PCDH1: variants seen among roughly 807,000 people sequenced by gnomAD.
The protein encoded by PCDH1 is protocadherin-1.
In PCDH1, 23 loss-of-function variants were observed where a neutral mutation model predicts 74.6. The ratio of observed to expected loss-of-function variants is 0.31; its 90% CI spans 0.22 to 0.44. PCDH1 has a LOEUF of 0.44. Among genes scored for constraint, PCDH1 ranks in the 20% least tolerant of loss-of-function variants. PCDH1 has a pLI of 1.00. For synonymous variants in PCDH1, 647 were observed against 686.1 expected (o/e 0.94, Z 0.89); for missense variants, 1,214 against 1,641.4 (o/e 0.74, Z 4.50).
rs577566122 is a variant in PCDH1, at chr5:141,874,283, C to T, written c.40+3940G>A. Among the ~76,000 whole-genome samples, 8 of 152,362 alleles carry T rather than the reference C, an allele frequency of 5.3e-5. No individual in the cohort carries two copies. The South Asian group carries it at 1.5e-3, about 28-fold the overall frequency. The stretch of plus-strand genomic sequence containing the variant: ...GAGCAGCAATAAGGAGGCCTTCCCT[C>T]ACCCGTGTTCCCACCATCTCTGAAC... On this transcript the variant is annotated intron_variant, in intron 1 of 4. Transcript: ENST00000287008.
Position 141,865,501 on chromosome 5 carries a change from T to G in PCDH1, c.904-74A>C. On this transcript the variant is annotated intron_variant, in intron 2 of 4. Transcript: ENST00000287008. The surrounding 1 kb of genome is among the most constrained non-coding windows in gnomAD (Gnocchi z 4.4). ...GGGATAGCAAATAAAGGGGCACACA[T>G]GCTGCCAATGTCCTTTCCAACAAGC... 1 of 1,485,976 alleles carries G rather than the reference T, an allele frequency of 6.7e-7. No individual in the cohort carries two copies. Among genetic ancestry groups the G allele is most frequent in the South Asian group, 1.2e-5 (1 of 80,658 alleles). The allele number at this position is 1,485,976 out of a possible 1,614,324, so 92.0% of individuals were successfully genotyped here.
At position 141,863,826 on chromosome 5, in the gene PCDH1, A is replaced by G. The variant is rs781755901; in HGVS notation, c.2505T>C (p.Asp835=). ...LLGHSLDTPL[D]IDIAGDPEYE... ...ATTCTGGATCCCCAGCAATGTCAAT[A>G]TCCAGCGGCGTGTCCAGGCTGTGGC... Residue 835 remains aspartate (D), a synonymous_variant, in exon 3 of 5, where the codon GAT becomes GAC. Coordinates refer to ENST00000287008, the MANE Select transcript of PCDH1 (RefSeq NM_032420.5). The surrounding 1 kb of genome is among the most constrained non-coding windows in gnomAD (Gnocchi z 7.5). 12 of 1,614,066 alleles carry G rather than the reference A, an allele frequency of 7.4e-6. No homozygotes were observed. The Admixed American group carries it at 1.0e-4, about 13-fold the overall frequency.
intron 1 of PCDH1, among the ~76,000 whole-genome samples, chr5:141,873,942 T>C (rs1011700333): frequency 3.3e-5 from 5 of 152,180 alleles, no homozygotes; most frequent in African/African-American, 1.2e-4. Context: ...AAATGGGGGC[T>C]GAGAAAGAAT....
rs762529547 is a variant in PCDH1, at chr5:141,864,107, C to T, written c.2224G>A (p.Glu742Lys). ...GCATTGACACCAGAGTCAAAGTCCT[C>T]GGCTGCCACCTGGCTGACCGTCTCA... ...LGETVSQVAA[E>K]DFDSGVNAEL... is the part of the protein sequence containing the mutation. Residue 742 changes from glutamate to lysine, a missense_variant, in exon 3 of 5, where the codon GAG becomes AAG. Glu to Lys is a moderately conservative substitution (Grantham distance 56, BLOSUM62 1). This residue lies in a region of PCDH1 where 836 missense variants were observed against 1,182.2 expected (regional missense o/e 0.71). Transcript: ENST00000287008. The surrounding 1 kb of genome is among the most constrained non-coding windows in gnomAD (Gnocchi z 5.9). 8.7e-6 allele frequency: 14 copies of T among 1,610,246 alleles called. No individual in the cohort carries two copies. In the South Asian group the frequency reaches 1.2e-4, roughly 14 times the overall value.
At position 141,869,241 on chromosome 5, in the gene PCDH1, G is replaced by T. The variant is rs113157473; in HGVS notation, c.231C>A (p.Leu77=). Residue 77 remains leucine, a synonymous_variant, in exon 2 of 5, where the codon CTC becomes CTA. Coordinates refer to ENST00000287008, the MANE Select transcript of PCDH1 (RefSeq NM_032420.5). This position sits in a 1 kb window ranked among gnomAD's most constrained non-coding sequence, Gnocchi z 4.9. Reference sequence around the variant, plus strand: ...CATCTGGAAAACCATAGTCGGCTGCGAGGCTCCCAATGAGGGTGTTGGGTG... The same window carrying T: ...CATCTGGAAAACCATAGTCGGCTGCTAGGCTCCCAATGAGGGTGTTGGGTG... ...EQPPNTLIGS[L]AADYGFPDVG... The T allele has an allele frequency of 5.6e-6, 9 of 1,613,378 alleles. No individual in the cohort carries two copies. The highest frequency in any genetic ancestry group is 5.3e-5 in the African/African-American group (4 of 75,006).
rs756868283 is a variant in PCDH1 at position 141,863,684 on chromosome 5, T to C, written c.2647A>G (p.Lys883Glu). 6.2e-7 allele frequency: 1 copy of C among 1,614,194 alleles called. No individual in the cohort carries two copies. The highest frequency in any genetic ancestry group is 8.5e-7 in the Non-Finnish European group (1 of 1,180,014). Residue 883 changes from lysine to glutamate, a missense_variant, in exon 3 of 5, where the codon AAA (lysine) becomes GAA (glutamate). Lys to Glu is a moderately conservative substitution (Grantham distance 56). Coordinates refer to ENST00000287008, the MANE Select transcript of PCDH1 (RefSeq NM_032420.5). This position sits in a 1 kb window ranked among gnomAD's most constrained non-coding sequence, Gnocchi z 7.5. ...TTCTTACCAGCCTGGTAACCACTTT[T>C]GGCCTCCCGCTGTCTGCAGTAGCGC... Reference protein sequence around the residue: ...LVRYCRQREAKSGYQAGKKET... With the variant: ...LVRYCRQREAESGYQAGKKET...
intron 2 of PCDH1, chr5:141,866,313 T>C: frequency 1.2e-6 from 1 of 813,600 alleles, no homozygotes; most frequent in Non-Finnish European, 1.5e-6. Context: ...CTGCTGGCAG[T>C]GGGCTGGGCT....
chr5:141,862,995 A>C, intron 3 of PCDH1: 3 of 1,259,406 alleles, frequency 2.4e-6, no homozygotes, highest in Non-Finnish European at 3.0e-6. Flanking sequence ...GTCTCTCCCC[A>C]GTGGGGAGAG....
Position 141,868,782 on chromosome 5 carries a change from T to C in PCDH1, c.690A>G (p.Pro230=). The change falls in exon 2 of 5, where the codon CCA becomes CCG. Residue 230 remains proline, a synonymous_variant. Transcript: ENST00000287008. This position sits in a 1 kb window ranked among gnomAD's most constrained non-coding sequence, Gnocchi z 4.8. ...QVAEDQEEKQ[P]QLIVMGNLDR... ...CCAGGTTGCCCATCACAATGAGCTG[T>C]GGTTGCTTCTCCTCCTGGTCCTCTG... is the stretch of plus-strand genomic sequence containing the variant. 6.2e-7 allele frequency: 1 copy of C among 1,614,124 alleles called. No individual in the cohort carries two copies. The highest frequency in any genetic ancestry group is 8.5e-7 in the Non-Finnish European group (1 of 1,180,004).
intron 2 of PCDH1, among the ~76,000 whole-genome samples, chr5:141,867,034 G>A (rs550300942): frequency 6.6e-6 from 1 of 152,334 alleles, no homozygotes; most frequent in African/African-American, 2.4e-5. Flanking sequence ...ATCTCTGAGT[G>A]CCAAACCCTA....
Position 141,864,416 on chromosome 5 carries a change from C to T in PCDH1, c.1915G>A (p.Gly639Arg). ...SPVGMVTVID[G>R]DKGENAQVQL... The stretch of plus-strand genomic sequence containing the variant: ...ACCTGGGCATTCTCCCCCTTGTCTC[C>T]ATCAATGACAGTCACCATGCCCACT... Residue 639 changes from glycine (G) to arginine (R), a missense_variant, in exon 3 of 5, where the codon GGA (glycine) becomes AGA (arginine). Transcript: ENST00000287008. The surrounding 1 kb of genome is among the most constrained non-coding windows in gnomAD (Gnocchi z 5.9). 6.2e-7 allele frequency: 1 copy of T among 1,614,140 alleles called. No homozygotes were observed. Among genetic ancestry groups the T allele is most frequent in the South Asian group, 1.1e-5 (1 of 91,080 alleles).
At chr5:141,873,540 A>G (rs1327830430) in intron 1 of PCDH1, among the ~76,000 whole-genome samples, 1 of 137,084 alleles carries the variant, frequency 7.3e-6, no homozygotes, top group Admixed American at 7.4e-5. Flanking sequence ...TCCGCCTGCC[A>G]GGTTCACGCC....
Position 141,856,325 on chromosome 5 carries a change from T to C in PCDH1, c.3319+927A>G. ...CGCGCATGGAGGGGCGGGGTGGGGG[T>C]GGAGGGCACTCTGAGACCTAGGGCC... On this transcript the variant is annotated intron_variant, in intron 4 of 4. Transcript: ENST00000287008. 3.0e-6 allele frequency: 3 copies of C among 992,714 alleles called. No individual in the cohort carries two copies. In the South Asian group the frequency reaches 4.1e-5, roughly 14 times the overall value. 61.5% of individuals were successfully genotyped at this position (992,714 alleles called of 1,614,324 possible).
In PCDH1 at chr5:141,869,311, G is replaced by A. The variant is rs766673155; in HGVS notation, c.161C>T (p.Pro54Leu). 1.2e-6 allele frequency: 2 copies of A among 1,601,744 alleles called. No homozygotes were observed. The highest frequency in any genetic ancestry group is 1.7e-6 in the Non-Finnish European group (2 of 1,174,716). The stretch of plus-strand genomic sequence containing the variant: ...GTACACTACCCGAGTGGCGTGGCCT[G>A]GGGATGGAGCCAGCAGGAGCAGCAG... ...LALLLLLAPS[P>L]GHATRVVYKV... Residue 54 changes from proline to leucine, a missense_variant, in exon 2 of 5, where the codon CCA becomes CTA. Coordinates refer to ENST00000287008, the MANE Select transcript of PCDH1 (RefSeq NM_032420.5). The surrounding 1 kb of genome is among the most constrained non-coding windows in gnomAD (Gnocchi z 4.9).
In PCDH1 at chr5:141,863,847, G is replaced by A. The variant is rs758533301; in HGVS notation, c.2484C>T (p.His828=). The A allele has an allele frequency of 6.2e-7, 1 of 1,614,196 alleles. No individual in the cohort carries two copies. Among genetic ancestry groups the A allele is most frequent in the Non-Finnish European group, 8.5e-7 (1 of 1,180,038 alleles). Reference sequence around the variant, plus strand: ...CAATATCCAGCGGCGTGTCCAGGCTGTGGCCCAGGAGGGTCTCCAGCAGCG... The same window carrying A: ...CAATATCCAGCGGCGTGTCCAGGCTATGGCCCAGGAGGGTCTCCAGCAGCG... The part of the protein sequence containing the change: ...NRTLLETLLG[H]SLDTPLDIDI... Residue 828 remains histidine (H), a synonymous_variant, in exon 3 of 5, where the codon CAC becomes CAT. Coordinates refer to ENST00000287008, the MANE Select transcript of PCDH1 (RefSeq NM_032420.5). The surrounding 1 kb of genome is among the most constrained non-coding windows in gnomAD (Gnocchi z 7.5).
chr5:141,853,741 G>A lies in PCDH1; in HGVS notation c.*301C>T, dbSNP rs902398835. ...CTCCACCATCTGCCCAAATCGAGGG[G>A]GTGCTCCCTGGAAGTCAAGGGAAGG... On this transcript the variant is annotated 3_prime_UTR_variant, in exon 5 of 5. Transcript: ENST00000287008. The A allele has an allele frequency of 3.2e-6, 1 of 317,268 alleles. No homozygotes were observed. The allele number at this position is 317,268 out of a possible 1,614,324, so 19.7% of individuals were successfully genotyped here. A position where few individuals can be genotyped will look rare whatever the true frequency, so the allele number is the denominator to read the frequency against.
Position 141,853,860 on chromosome 5 carries a change from G to C in PCDH1, c.*182C>G. 2.2e-6 allele frequency: 1 copy of C among 445,510 alleles called. No individual in the cohort carries two copies. Among genetic ancestry groups the C allele is most frequent in the Non-Finnish European group, 3.8e-6 (1 of 261,580 alleles). The allele number at this position is 445,510 out of a possible 1,614,324, so 27.6% of individuals were successfully genotyped here. A position where few individuals can be genotyped will look rare whatever the true frequency, so the allele number is the denominator to read the frequency against. On this transcript the variant is annotated 3_prime_UTR_variant, in exon 5 of 5. Coordinates refer to ENST00000287008, the MANE Select transcript of PCDH1 (RefSeq NM_032420.5). The stretch of plus-strand genomic sequence containing the variant: ...CCTGGGGGCTGGGAGATGGAAATGA[G>C]GGGAGAGGACCTGGACCCTGCATGG...
rs566574009 is a variant in PCDH1 at position 141,877,142 on chromosome 5, CGAGA to C, written c.40+1077_40+1080del. On this transcript the variant is annotated intron_variant, in intron 1 of 4. Transcript: ENST00000287008. ...GCTTCTCCTGCCTGAATCTGGACTC[CGAGA>C]GAGAGGAACGGAGTGTGTGTGTTTG... 8.7e-4 allele frequency among the ~76,000 whole-genome samples: 132 copies of C among 152,292 alleles called. 4 individuals carry two copies. Among genetic ancestry groups the C allele is most frequent in the Middle Eastern group, 3.4e-3 (1 of 294 alleles).
intron 1 of PCDH1, among the ~76,000 whole-genome samples, chr5:141,873,257 C>G (rs1346635083): frequency 3.3e-5 from 5 of 151,428 alleles, no homozygotes; most frequent in African/African-American, 1.2e-4. Flanking sequence ...TCCCAAGTAG[C>G]TGGGACTACA....
Sources: allele counts gnomAD v4.1 joint callset (sites outside exome capture counted in the v4.1 genomes callset), GRCh38; gene constraint gnomAD v4.1.1; regional missense constraint gnomAD v4.1.1; non-coding constraint Gnocchi (gnomAD v3.1); transcripts MANE v1.5; gene names NCBI Gene and HGNC (gene_info 2026-07-23, HGNC 2026-07-21).